The following NEDD9 variants were observed in gnomAD, a reference collection of about 807,000 sequenced individuals.
NEDD9 encodes the protein neural precursor cell expressed, developmentally down-regulated 9, also known as enhancer of filamentation 1.
A neutral mutation model predicts 76.6 loss-of-function variants in NEDD9; 26 were observed. That is an observed-to-expected ratio of 0.34 (90% CI 0.25 to 0.47). The LOEUF (loss-of-function observed/expected upper bound fraction) is 0.47, where lower values mean the gene tolerates loss of function less well. Among genes scored for constraint, NEDD9 ranks in the 20% least tolerant of loss-of-function variants. NEDD9 has a pLI of 1.00. For synonymous variants in NEDD9, 392 were observed against 414.2 expected, an observed-to-expected ratio of 0.95 and a Z score of 0.65; for missense variants, 937 against 1,058.5, an observed-to-expected ratio of 0.89 and a Z score of 1.59.
At chr6:11,226,789 T>C (rs1269418172) in intron 1 of NEDD9, among the ~76,000 whole-genome samples, 2 of 152,248 alleles carry the variant, frequency 1.3e-5, no homozygotes, top group Non-Finnish European at 2.9e-5. Context: ...TAACATCATA[T>C]AATAGCTGCC....
chr6:11,192,201 C>T (rs184001017), intron 4 of NEDD9, 144 bp downstream of exon 4: 3 of 551,530 alleles, frequency 5.4e-6, no homozygotes, highest in East Asian at 6.8e-5. Flanking sequence ...CCTTTACTCT[C>T]ACCAAGACTA....
At chr6:11,210,766 GGAGAGA>G (rs147934321) in intron 2 of NEDD9, among the ~76,000 whole-genome samples, 34 of 121,930 alleles carry the variant, frequency 2.8e-4, no homozygotes, top group African/African-American at 9.9e-4. Context: ...AGGGATGGGG[GGAGAGA>G]GAGAGAGAGA....
intron 2 of NEDD9, chr6:11,199,641 T>C (rs971676258): frequency 8.6e-5 from 2 of 23,148 alleles, no homozygotes; most frequent in African/African-American, 2.5e-4. Flanking sequence ...AAAGATCTTT[T>C]TTTTTTTTTT....
intron 1 of NEDD9, among the ~76,000 whole-genome samples, chr6:11,353,026 C>CGG (rs752017360): frequency 6.6e-6 from 1 of 152,262 alleles, no homozygotes; most frequent in African/African-American, 2.4e-5. Flanking sequence ...CCCTCTTGAG[C>CGG]GATCACCTTT....
chr6:11,270,858 G>A (rs1445783562), intron 3 of NEDD9, among the ~76,000 whole-genome samples: 8 of 152,236 alleles, frequency 5.3e-5, no homozygotes, highest in Non-Finnish European at 8.8e-5. Flanking sequence ...TTCAGGGAAG[G>A]CTTCTAGGAG....
intron 5 of NEDD9, among the ~76,000 whole-genome samples, chr6:11,189,175 G>T (rs1399924977): frequency 6.6e-6 from 1 of 152,164 alleles, no homozygotes; most frequent in Non-Finnish European, 1.5e-5. Context: ...TTGAACTCCT[G>T]ACCTTGTGAT....
At chr6:11,233,104 G>A (rs891852972), upstream of NEDD9, among the ~76,000 whole-genome samples, 2 of 151,962 alleles carry the variant, frequency 1.3e-5, no homozygotes, top group Non-Finnish European at 2.9e-5. Context: ...AAGGTTTTCT[G>A]TCTCCGGGCC....
At chr6:11,319,588 A>G (rs1761708193) in intron 2 of NEDD9, among the ~76,000 whole-genome samples, 2 of 145,194 alleles carry the variant, frequency 1.4e-5, no homozygotes, top group Non-Finnish European at 3.0e-5. Flanking sequence ...ACTCACACTA[A>G]CGCACACACT....
intron 2 of NEDD9, chr6:11,200,885 G>A: frequency 1.2e-6 from 2 of 1,606,404 alleles, no homozygotes; most frequent in Non-Finnish European, 1.7e-6. Flanking sequence ...CCAAGTCTAG[G>A]AGATGAAGAT....
intron 1 of NEDD9, among the ~76,000 whole-genome samples, chr6:11,356,868 G>C (rs914444972): frequency 2.0e-5 from 3 of 152,084 alleles, no homozygotes; most frequent in Non-Finnish European, 4.4e-5. Context: ...ACACCCCTTC[G>C]CATGTAAGAA....
chr6:11,243,900 A>G (rs1759756637), intron 3 of NEDD9, among the ~76,000 whole-genome samples: 1 of 152,184 alleles, frequency 6.6e-6, no homozygotes, highest in Admixed American at 6.5e-5. Context: ...AAATATTGGG[A>G]TGATTAATTT....
intron 1 of NEDD9, among the ~76,000 whole-genome samples, chr6:11,336,198 T>C (rs1348009712): frequency 2.6e-5 from 4 of 152,256 alleles, no homozygotes; most frequent in Non-Finnish European, 4.4e-5. Context: ...GCCTTGGTCA[T>C]GGCTCTACAT....
intron 1 of NEDD9, among the ~76,000 whole-genome samples, chr6:11,369,482 T>C (rs4711272): frequency 0.7 from 107,188 of 152,122 alleles, 38,466 homozygotes; most frequent in African/African-American, 0.82. Flanking sequence ...TCCTGTGTAC[T>C]ACACAACCTG....
At chr6:11,348,232 A>G (rs1762400041) in intron 1 of NEDD9, among the ~76,000 whole-genome samples, 1 of 152,340 alleles carries the variant, frequency 6.6e-6, no homozygotes, top group East Asian at 1.9e-4. Context: ...ACGGAGGTGA[A>G]AGATCTCTGC....
At chr6:11,196,080 G>A (rs183744466) in intron 2 of NEDD9, among the ~76,000 whole-genome samples, 54 of 152,210 alleles carry the variant, frequency 3.5e-4, no homozygotes, top group African/African-American at 1.3e-3. Context: ...CAAGGATCGC[G>A]GATCACGAGG....
chr6:11,285,765 T>C (rs1357923950), intron 3 of NEDD9, among the ~76,000 whole-genome samples: 1 of 152,202 alleles, frequency 6.6e-6, no homozygotes, highest in Admixed American at 6.5e-5. Flanking sequence ...TGGAGAAACA[T>C]AGTTCTTTCA....
chr6:11,185,743 G>A, intron 6 of NEDD9, 72 bp from the exon 7 acceptor site: 2 of 1,553,642 alleles, frequency 1.3e-6, no homozygotes, highest in Non-Finnish European at 1.7e-6. Flanking sequence ...CTAGGCCTTG[G>A]AGTTAAAAGA....
chr6:11,331,898 C>T (rs1197435969), intron 2 of NEDD9, among the ~76,000 whole-genome samples: 17 of 152,216 alleles, frequency 1.1e-4, no homozygotes, highest in Non-Finnish European at 1.9e-4. Flanking sequence ...CAAGCCCAGA[C>T]ATACAGAGGG....
chr6:11,249,967 C>T (rs1422335109), intron 3 of NEDD9, among the ~76,000 whole-genome samples: 1 of 152,204 alleles, frequency 6.6e-6, no homozygotes, highest in African/African-American at 2.4e-5. Context: ...CAGGTCCTTT[C>T]CAGCTTTCTC....
Sources: gnomAD v4.1 joint callset for allele counts (sites outside exome capture counted in the v4.1 genomes callset) on GRCh38, gnomAD v4.1.1 for gene constraint, MANE v1.5 for transcripts, NCBI Gene and HGNC (gene_info 2026-07-23, HGNC 2026-07-21) for gene names.